The following XIRP2 variants were observed in gnomAD, a reference collection of about 807,000 sequenced individuals.
XIRP2 encodes xin actin-binding repeat-containing protein 2.
In XIRP2, 236 loss-of-function variants were observed where a neutral mutation model predicts 277.0. The ratio of observed to expected loss-of-function variants is 0.85; its 90% CI spans 0.77 to 0.95. XIRP2 has a LOEUF of 0.95. XIRP2 is among the 40% of genes least tolerant of loss of function. XIRP2 has a pLI of 0.00. For missense variants in XIRP2, 4,640 were observed against 4,157.5 expected, an observed-to-expected ratio of 1.12 and a Z score of -3.19; for synonymous variants, 1,490 against 1,416.5, an observed-to-expected ratio of 1.05 and a Z score of -1.17.
At chr2:167,059,080 G>C (rs1689110425) in intron 2 of XIRP2, among the ~76,000 whole-genome samples, 1 of 149,124 alleles carries the variant, frequency 6.7e-6, no homozygotes, top group Non-Finnish European at 1.5e-5. Context: ...GCATTGGCTA[G>C]AGGATTTAAC....
chr2:166,928,704 C>T (rs1456319219), intron 2 of XIRP2, among the ~76,000 whole-genome samples: 1 of 152,100 alleles, frequency 6.6e-6, no homozygotes, highest in Admixed American at 6.6e-5. Context: ...AATCACACTG[C>T]AACTGGCTGT....
intron 2 of XIRP2, among the ~76,000 whole-genome samples, chr2:167,005,767 G>A (rs1368891207): frequency 6.8e-6 from 1 of 146,442 alleles, no homozygotes; most frequent in Non-Finnish European, 1.5e-5. Context: ...TTTAAATATA[G>A]CATGTAGAAT....
chr2:166,958,041 T>C (rs1686207362), intron 2 of XIRP2, among the ~76,000 whole-genome samples: 1 of 151,772 alleles, frequency 6.6e-6, no homozygotes. Flanking sequence ...TCCAACATGA[T>C]TGGTGATCTT....
intron 2 of XIRP2, among the ~76,000 whole-genome samples, chr2:167,029,507 T>C (rs1177223346): frequency 2.6e-5 from 4 of 152,108 alleles, no homozygotes; most frequent in African/African-American, 7.2e-5. Context: ...ATGGAATACG[T>C]TTATAGATTT....
At chr2:167,088,045 T>C (rs1462827392) in intron 2 of XIRP2, among the ~76,000 whole-genome samples, 1 of 152,200 alleles carries the variant, frequency 6.6e-6, no homozygotes, top group African/African-American at 2.4e-5. Flanking sequence ...TGAAAATATT[T>C]CAGTGGCCAC....
chr2:167,125,058 T>C (rs576190605), intron 2 of XIRP2, among the ~76,000 whole-genome samples: 2 of 152,270 alleles, frequency 1.3e-5, no homozygotes, highest in African/African-American at 4.8e-5. Context: ...CAAGCCTTGT[T>C]AAATGAGGGG....
chr2:167,067,864 T>C (rs1381204087), intron 2 of XIRP2, among the ~76,000 whole-genome samples: 1 of 152,188 alleles, frequency 6.6e-6, no homozygotes, highest in Non-Finnish European at 1.5e-5. Context: ...TTTTTCCTAT[T>C]CCTTTTCAGG....
At chr2:167,034,870 T>C (rs1447186898) in intron 2 of XIRP2, among the ~76,000 whole-genome samples, 1 of 152,220 alleles carries the variant, frequency 6.6e-6, no homozygotes, top group Admixed American at 6.5e-5. Context: ...TTGTAGTTCC[T>C]AGAATTCCCA....
chr2:167,065,082 T>A (rs1689269303), intron 2 of XIRP2, among the ~76,000 whole-genome samples: 1 of 151,974 alleles, frequency 6.6e-6, no homozygotes, highest in Non-Finnish European at 1.5e-5. Context: ...TGATATACTG[T>A]GTTCCATAGA....
At chr2:167,203,616 G>C (rs946460482) in intron 3 of XIRP2, among the ~76,000 whole-genome samples, 5 of 152,110 alleles carry the variant, frequency 3.3e-5, no homozygotes, top group African/African-American at 1.2e-4. Flanking sequence ...TAAGAACTCT[G>C]AATTGATGCA....
In XIRP2 at chr2:166,915,299, C is replaced by CAAA. The variant is rs993808427; in HGVS notation, c.408+11430_408+11432dup. ...TGGGCGACACAGCAAGACTCCGTCT[C>CAAA]AAAAAAAAAAAAAAAAAAAAAAAGA... On this transcript the variant is annotated intron_variant, in intron 2 of 10. Coordinates refer to ENST00000409195, the MANE Select transcript of XIRP2 (RefSeq NM_152381.6). 8.5e-4 allele frequency among the ~76,000 whole-genome samples: 34 copies of CAAA among 40,046 alleles called. No individual in the cohort carries two copies. The South Asian group carries it at 9.2e-3, about 11-fold the overall frequency. The allele number at this position is 40,046 out of a possible 152,430, so 26.3% of individuals were successfully genotyped here. A position where few individuals can be genotyped will look rare whatever the true frequency, so the allele number is the denominator to read the frequency against.
rs960448249 is a variant in XIRP2 at position 167,248,920 on chromosome 2, C to T, written c.7528C>T (p.Pro2510Ser). 1.2e-6 allele frequency: 2 copies of T among 1,613,726 alleles called. No homozygotes were observed. The highest frequency in any genetic ancestry group is 1.7e-5 in the Admixed American group (1 of 59,974). The change falls in exon 9 of 11, where the codon CCC becomes TCC. Residue 2510 changes from proline (P) to serine (S), a missense_variant. Physicochemically the swap from Pro to Ser is moderately conservative, Grantham distance 74. Coordinates refer to ENST00000409195, the MANE Select transcript of XIRP2 (RefSeq NM_152381.6). ...ACACACAGTTCCAGGAACTTCAGCA[C>T]CCAGGAAAAAACAGATTGCGCCTCT... ...LSHTVPGTSA[P>S]RKKQIAPLIK...
chr2:167,232,653 C>T (rs1390497496), intron 5 of XIRP2, among the ~76,000 whole-genome samples: 1 of 152,000 alleles, frequency 6.6e-6, no homozygotes, highest in Non-Finnish European at 1.5e-5. Flanking sequence ...AGATACCAAA[C>T]ACTTTGGTAT....
intron 2 of XIRP2, among the ~76,000 whole-genome samples, chr2:166,923,362 C>T (rs960504229): frequency 8.5e-5 from 13 of 152,084 alleles, no homozygotes; most frequent in African/African-American, 2.9e-4. Context: ...TCATTATTCT[C>T]TACTGAGTGA....
At chr2:166,903,119 C>T (rs969769494) in intron 1 of XIRP2, among the ~76,000 whole-genome samples, 4 of 152,068 alleles carry the variant, frequency 2.6e-5, no homozygotes, top group Non-Finnish European at 5.9e-5. Flanking sequence ...ATATACTAAA[C>T]AATGAAGTAA....
At chr2:167,208,099 G>T (rs949501929) in intron 3 of XIRP2, among the ~76,000 whole-genome samples, 4 of 152,080 alleles carry the variant, frequency 2.6e-5, no homozygotes, top group African/African-American at 9.7e-5. Context: ...TCGGATTTTG[G>T]ATTACTCGTC....
At chr2:167,117,010 G>A (rs1046201023) in intron 2 of XIRP2, among the ~76,000 whole-genome samples, 2 of 152,148 alleles carry the variant, frequency 1.3e-5, no homozygotes, top group Admixed American at 6.5e-5. Context: ...AATAATAATA[G>A]TTCTATCTGT....
At chr2:167,165,663 T>C (rs1429549801) in intron 3 of XIRP2, among the ~76,000 whole-genome samples, 1 of 152,208 alleles carries the variant, frequency 6.6e-6, no homozygotes, top group Non-Finnish European at 1.5e-5. Context: ...TCTGTTAAAA[T>C]GTTTGGCCTG....
intron 3 of XIRP2, among the ~76,000 whole-genome samples, chr2:167,159,662 C>G (rs530482784): frequency 1.7e-3 from 252 of 151,590 alleles, no homozygotes; most frequent in Non-Finnish European, 2.8e-3. Context: ...ATGCCTGTAT[C>G]TATATTTCTT....
Sources: gnomAD v4.1 joint callset for allele counts (sites outside exome capture counted in the v4.1 genomes callset) on GRCh38, gnomAD v4.1.1 for gene constraint, MANE v1.5 for transcripts, NCBI Gene and HGNC (gene_info 2026-07-23, HGNC 2026-07-21) for gene names.